The following APCDD1L variants were observed in gnomAD, a reference collection of about 807,000 sequenced individuals.
APCDD1L encodes the protein protein APCDD1-like.
In APCDD1L, 21 loss-of-function variants were observed where a neutral mutation model predicts 24.2. The observed-to-expected ratio is 0.87, with a 90% confidence interval of 0.61 to 1.25. APCDD1L has a LOEUF of 1.25. APCDD1L is among the 50% of genes most tolerant of loss of function. The probability of loss-of-function intolerance (pLI) is 0.00; values close to 1 mark genes in which losing one functional copy is unlikely to be tolerated. For missense variants in APCDD1L, 704 were observed against 711.7 expected (o/e 0.99, Z 0.12); for synonymous variants, 321 against 323.6 (o/e 0.99, Z 0.09).
At chr20:58,513,348 T>C (rs1212178755) in intron 1 of APCDD1L, among the ~76,000 whole-genome samples, 1 of 152,194 alleles carries the variant, frequency 6.6e-6, no homozygotes. Context: ...CAACTAACTC[T>C]GTGGCCAAGG....
At chr20:58,478,628 G>A (rs112100703) in intron 1 of APCDD1L, among the ~76,000 whole-genome samples, 4,297 of 152,210 alleles carry the variant, frequency 0.028, 215 homozygotes, top group African/African-American at 0.099. Flanking sequence ...TAAGTGCTCA[G>A]TAAATGCTAT....
chr20:58,493,688 C>T lies in APCDD1L; in HGVS notation c.49+20971G>A, dbSNP rs138263153. Among the ~76,000 whole-genome samples, 1,127 of 152,062 alleles carry T rather than the reference C, an allele frequency of 7.4e-3. 12 individuals are homozygous for T. The highest frequency in any genetic ancestry group is 0.026 in the African/African-American group (1,060 of 41,458). ...ATACCCCGTTTAGGGGGCACCTGTA[C>T]CCTGAAAAAAAAACAAGGAAAAGAT... On this transcript the variant is annotated intron_variant, in intron 1 of 3. Transcript: ENST00000371149.
intron 1 of APCDD1L, among the ~76,000 whole-genome samples, chr20:58,476,850 T>C (rs7271353): frequency 0.021 from 3,233 of 152,322 alleles, 111 homozygotes; most frequent in African/African-American, 0.07. Context: ...TTGAGGCTAT[T>C]GCCTGTGCTG....
Position 58,481,626 on chromosome 20 carries a change from G to C in APCDD1L, c.50-10879C>G, listed in dbSNP as rs570652198. ...GTGACTGGGAGGAACCCCAGCGTCG[G>C]GGGAGGCACACCACTCACCGAGCTG... On this transcript the variant is annotated intron_variant, in intron 1 of 3. Coordinates refer to ENST00000371149, the MANE Select transcript of APCDD1L (RefSeq NM_153360.3). 2.4e-4 allele frequency among the ~76,000 whole-genome samples: 37 copies of C among 152,298 alleles called. No individual in the cohort carries two copies. In the East Asian group the frequency reaches 3.9e-3, roughly 16 times the overall value.
At chr20:58,505,247 T>C (rs1276585742) in intron 1 of APCDD1L, among the ~76,000 whole-genome samples, 1 of 152,208 alleles carries the variant, frequency 6.6e-6, no homozygotes, top group East Asian at 1.9e-4. Flanking sequence ...TTATTTTTTG[T>C]GGAGACAGGG....
intron 1 of APCDD1L, among the ~76,000 whole-genome samples, chr20:58,474,903 C>T (rs1024347548): frequency 7.9e-5 from 12 of 152,130 alleles, no homozygotes; most frequent in Non-Finnish European, 1.3e-4. Context: ...TCTTAGATCT[C>T]GGCAACAATG....
rs776772090 is a variant in APCDD1L at position 58,467,207 on chromosome 20, G to T, written c.640C>A (p.Arg214=). The change falls in exon 3 of 4, where the codon CGG becomes AGG. Residue 214 remains arginine (R), a synonymous_variant. Transcript: ENST00000371149. The surrounding 1 kb of genome is among the most constrained non-coding windows in gnomAD (Gnocchi z 5.9). ...RLQPQPRASP[R]LVEELYLGDI... ...CCCAGGTACAGCTCCTCCACCAGCC[G>T]GGGCGACGCCCGGGGCTGCGGCTGC... is the stretch of plus-strand genomic sequence containing the variant. 13 of 1,603,830 alleles carry T rather than the reference G, an allele frequency of 8.1e-6. No individual in the cohort carries two copies. The Admixed American group carries it at 1.5e-4, about 19-fold the overall frequency.
chr20:58,482,707 A>G (rs1990046318), intron 1 of APCDD1L, among the ~76,000 whole-genome samples: 1 of 152,076 alleles, frequency 6.6e-6, no homozygotes, highest in African/African-American at 2.4e-5. Flanking sequence ...CCTTATCACA[A>G]ACCTTCCAGA....
chr20:58,477,102 GT>G (rs751539900), intron 1 of APCDD1L, among the ~76,000 whole-genome samples: 1 of 152,240 alleles, frequency 6.6e-6, no homozygotes, highest in Non-Finnish European at 1.5e-5. Context: ...GGTAGAAAGA[GT>G]TCTAGTGTAT....
intron 3 of APCDD1L, among the ~76,000 whole-genome samples, chr20:58,465,313 C>G (rs1989686520): frequency 6.6e-6 from 1 of 152,006 alleles, no homozygotes; most frequent in Non-Finnish European, 1.5e-5. Flanking sequence ...CCTCTGCTAT[C>G]CAGATCCTCA....
chr20:58,470,887 G>T, intron 1 of APCDD1L, 140 bp from the exon 2 acceptor site: 1 of 1,265,832 alleles, frequency 7.9e-7, no homozygotes, highest in Admixed American at 2.9e-5. Context: ...TCCCCAGGGT[G>T]CCCCAGTTCT....
In APCDD1L at chr20:58,461,362, C is replaced by T. The variant is rs764428670; in HGVS notation, c.934G>A (p.Glu312Lys). ...TCTGAGAAGTGGTGGTAATACCCTT[C>T]CCAGGAGCGGCTGTGCCCGTGGAAA... is the stretch of plus-strand genomic sequence containing the variant. ...FTFHGHSRSW[E>K]GYYHHFSDPA... The change falls in exon 4 of 4, where the codon GAA becomes AAA. Residue 312 changes from glutamate (E) to lysine (K), a missense_variant. By Grantham distance (56) the Glu-to-Lys change is moderately conservative. Transcript: ENST00000371149. This position sits in a 1 kb window ranked among gnomAD's most constrained non-coding sequence, Gnocchi z 6.0. The T allele has an allele frequency of 7.6e-6, 12 of 1,575,862 alleles. No individual in the cohort carries two copies. Among genetic ancestry groups the T allele is most frequent in the Admixed American group, 1.7e-5 (1 of 57,846 alleles).
At position 58,470,594 on chromosome 20, in the gene APCDD1L, G is replaced by T; in HGVS notation, c.188+15C>A. 1 of 1,581,842 alleles carries T rather than the reference G, an allele frequency of 6.3e-7. No individual in the cohort carries two copies. On this transcript the variant is annotated intron_variant, in intron 2 of 3. Transcript: ENST00000371149. ...CAGTCCAGGGGTCCATGGTCAGGAT[G>T]ACCTGAAGTCTTACCCTGTGGAGAT...
At chr20:58,463,978 G>A (rs530862945) in intron 3 of APCDD1L, among the ~76,000 whole-genome samples, 2 of 148,854 alleles carry the variant, frequency 1.3e-5, no homozygotes, top group African/African-American at 2.5e-5. Context: ...ATATAATATC[G>A]GAGACCATAT....
At chr20:58,513,465 C>T (rs986248184) in intron 1 of APCDD1L, among the ~76,000 whole-genome samples, 2 of 152,172 alleles carry the variant, frequency 1.3e-5, no homozygotes, top group African/African-American at 2.4e-5. Context: ...GAGGCACCCT[C>T]CCCTGACCCT....
At chr20:58,465,442 T>C (rs1047196038) in intron 3 of APCDD1L, among the ~76,000 whole-genome samples, 5 of 152,138 alleles carry the variant, frequency 3.3e-5, no homozygotes, top group African/African-American at 9.7e-5. Context: ...AGTTGCCTCA[T>C]TGGTTTAGTT....
intron 1 of APCDD1L, among the ~76,000 whole-genome samples, chr20:58,487,353 GAAGA>G (rs746949559): frequency 6.8e-6 from 1 of 147,738 alleles, no homozygotes; most frequent in South Asian, 2.1e-4. Context: ...TTCCAAACCA[GAAGA>G]AAGAAAGATA....
chr20:58,465,433 G>T (rs953986956), intron 3 of APCDD1L, among the ~76,000 whole-genome samples: 11 of 152,144 alleles, frequency 7.2e-5, no homozygotes, highest in African/African-American at 2.7e-4. Context: ...GGGGTTAGAA[G>T]TTGCCTCATT....
chr20:58,467,391 G>A lies in APCDD1L; in HGVS notation c.456C>T (p.Thr152=). The change falls in exon 3 of 4, where the codon ACC becomes ACT. Residue 152 remains threonine (T), a synonymous_variant. Coordinates refer to ENST00000371149, the MANE Select transcript of APCDD1L (RefSeq NM_153360.3). This position sits in a 1 kb window ranked among gnomAD's most constrained non-coding sequence, Gnocchi z 5.9. ...GCCGCGCGCAGTCCCGGCCGGCGCG[G>A]GTCTGGTTGAGGCGCCCGGTGACGT... is the stretch of plus-strand genomic sequence containing the variant. ...LVDVTGRLNQ[T]RAGRDCARRL... The A allele has an allele frequency of 6.6e-7, 1 of 1,523,210 alleles. No individual in the cohort carries two copies. The highest frequency in any genetic ancestry group is 8.8e-7 in the Non-Finnish European group (1 of 1,138,284). The allele number at this position is 1,523,210 out of a possible 1,614,324, so 94.4% of individuals were successfully genotyped here. A position where few individuals can be genotyped will look rare whatever the true frequency, so the allele number is the denominator to read the frequency against.
Sources: gnomAD v4.1 joint callset for allele counts (sites outside exome capture counted in the v4.1 genomes callset) on GRCh38, gnomAD v4.1.1 for gene constraint, Gnocchi (gnomAD v3.1) non-coding constraint, MANE v1.5 for transcripts, NCBI Gene and HGNC (gene_info 2026-07-23, HGNC 2026-07-21) for gene names.